Variants in GLOD4 observed in about 807,000 individuals in gnomAD.
The protein encoded by GLOD4 is glyoxalase domain-containing protein 4.
GLOD4 carries 44 observed loss-of-function variants against 39.1 expected under a neutral mutation model. That is an observed-to-expected ratio of 1.13 (90% CI 0.88 to 1.45). The LOEUF (loss-of-function observed/expected upper bound fraction) is 1.45. GLOD4 is among the 40% of genes most tolerant of loss of function. The probability of loss-of-function intolerance (pLI) is 0.00; values close to 1 mark genes in which losing one functional copy is unlikely to be tolerated. For missense variants in GLOD4, 405 were observed against 366.4 expected (o/e 1.11, Z -0.86); for synonymous variants, 145 against 135.0 (o/e 1.07, Z -0.52).
chr17:775,985 A>G, intron 3 of GLOD4, 66 bp from the exon 4 acceptor site: 1 of 1,327,250 alleles, frequency 7.5e-7, no homozygotes, highest in Non-Finnish European at 1.1e-6. Flanking sequence ...CAAGACAATG[A>G]GCCCAACCCC....
Position 782,239 on chromosome 17 carries a change from G to A in GLOD4, c.17C>T (p.Ala6Val). 1.2e-6 allele frequency: 2 copies of A among 1,613,426 alleles called. No individual in the cohort carries two copies. Among genetic ancestry groups the A allele is most frequent in the Non-Finnish European group, 1.7e-6 (2 of 1,179,732 alleles). MAARR[A>V]LHFVFKVGNR... ...TCCCACTTTGAATACGAAGTGCAGA[G>A]CTCTGCGAGCAGCCATGATTCCCGC... Residue 6 changes from alanine to valine, a missense_variant, in exon 1 of 9, where the codon GCT (alanine) becomes GTT (valine). Physicochemically the swap from Ala to Val is moderately conservative, Grantham distance 64 (BLOSUM62 0). Transcript: ENST00000301329.
chr17:781,836 G>A (rs760991255), intron 1 of GLOD4: 3 of 314,048 alleles, frequency 9.6e-6, no homozygotes, highest in Non-Finnish European at 1.8e-5. Flanking sequence ...ATATTAACTA[G>A]AAAGCATTAT....
rs189704077 is a variant in GLOD4, at chr17:778,285, G to A, written c.140+410C>T. The A allele has an allele frequency of 1.3e-3, 389 of 301,568 alleles. 1 individual carries two copies. Among genetic ancestry groups the A allele is most frequent in the African/African-American group, 7.7e-3 (361 of 46,658 alleles). The allele number at this position is 301,568 out of a possible 1,614,324, so 18.7% of individuals were successfully genotyped here. Reference sequence around the variant, plus strand: ...AATCCTGAAGATCCAGACTGTGACCGGCGCCTGACGTGGCGGAAAATCTTC... The same window carrying A: ...AATCCTGAAGATCCAGACTGTGACCAGCGCCTGACGTGGCGGAAAATCTTC... On this transcript the variant is annotated intron_variant, in intron 2 of 8. Transcript: ENST00000301329.
intron 8 of GLOD4, chr17:764,390 G>T (rs1455756616): frequency 6.6e-6 from 1 of 152,220 alleles, no homozygotes; most frequent in Non-Finnish European, 1.5e-5. Flanking sequence ...ATAAGTGTTG[G>T]TGAGAATGTA....
At chr17:775,407 T>C (rs1053787827) in intron 4 of GLOD4, among the ~76,000 whole-genome samples, 1 of 152,134 alleles carries the variant, frequency 6.6e-6, no homozygotes, top group African/African-American at 2.4e-5. Context: ...CAACAGAACG[T>C]AGAAAGAGAA....
intron 8 of GLOD4, among the ~76,000 whole-genome samples, chr17:760,637 A>G (rs1486343918): frequency 6.6e-6 from 1 of 152,202 alleles, no homozygotes; most frequent in Non-Finnish European, 1.5e-5. Context: ...ACGCTCAAGA[A>G]TCTTTAGTGT....
At chr17:782,992 C>T (rs1019285065), upstream of GLOD4, 11 of 1,499,288 alleles carry the variant, frequency 7.3e-6, no homozygotes, top group African/African-American at 1.4e-4. Flanking sequence ...CCGGCCCTCT[C>T]CGTAGCTCTT....
chr17:782,430 G>A, upstream of GLOD4: 2 of 1,614,038 alleles, frequency 1.2e-6, no homozygotes, highest in Non-Finnish European at 1.7e-6. Context: ...GTTGCTGCAG[G>A]TGGTCCAGGC....
chr17:775,514 G>T (rs1354047320), intron 4 of GLOD4, among the ~76,000 whole-genome samples: 1 of 152,202 alleles, frequency 6.6e-6, no homozygotes, highest in Non-Finnish European at 1.5e-5. Context: ...GTTCAAAGTA[G>T]TTGGGTTTTC....
In GLOD4 at chr17:778,712, G is replaced by A; in HGVS notation, c.123C>T (p.Cys41=). ...VLRHEEFEEG[C]KAACNGPYDG... is the part of the protein sequence containing the mutation. The stretch of plus-strand genomic sequence containing the variant: ...TATCATACCCATTACAGGCAGCTTT[G>A]CAGCCTTCTTCAAATTCCTCATGCC... Residue 41 remains cysteine (C), a synonymous_variant, in exon 2 of 9, where the codon TGC becomes TGT. Transcript: ENST00000301329. 1 of 1,600,654 alleles carries A rather than the reference G, an allele frequency of 6.2e-7. No homozygotes were observed. The highest frequency in any genetic ancestry group is 8.6e-7 in the Non-Finnish European group (1 of 1,167,656).
upstream of GLOD4, chr17:782,737 C>A (rs1312477447): frequency 1.3e-6 from 2 of 1,543,872 alleles, no homozygotes; most frequent in East Asian, 4.6e-5. Flanking sequence ...TTTCCCTTCC[C>A]GTCGCACAGC....
At chr17:766,053 T>C (rs774333151) in intron 8 of GLOD4, among the ~76,000 whole-genome samples, 1 of 151,602 alleles carries the variant, frequency 6.6e-6, no homozygotes, top group Non-Finnish European at 1.5e-5. Flanking sequence ...TCCCAGCACT[T>C]TGGGAGGCCA....
intron 6 of GLOD4, 97 bp from the exon 7 acceptor site, chr17:770,254 C>T (rs756870225): frequency 2.6e-6 from 2 of 769,380 alleles, no homozygotes; most frequent in Non-Finnish European, 4.6e-6. Context: ...CATAAAGAAC[C>T]AAGGCGCCAT....
chr17:772,387 C>T (rs2144390789), intron 4 of GLOD4, among the ~76,000 whole-genome samples: 1 of 151,760 alleles, frequency 6.6e-6, no homozygotes, highest in Non-Finnish European at 1.5e-5. Context: ...ATTATTTATA[C>T]AATTTTGGAG....
At chr17:782,384 G>A, upstream of GLOD4, 1 of 1,613,614 alleles carries the variant, frequency 6.2e-7, no homozygotes, top group Non-Finnish European at 8.5e-7. Context: ...GGAACATGGC[G>A]GCGCTGGTGA....
intron 4 of GLOD4, among the ~76,000 whole-genome samples, chr17:774,399 G>A (rs117243239): frequency 0.018 from 2,798 of 152,342 alleles, 45 homozygotes; most frequent in Middle Eastern, 0.071. Flanking sequence ...CGGCACAAGT[G>A]CCCTTGCCAT....
chr17:768,723 GA>G, intron 8 of GLOD4, among the ~76,000 whole-genome samples: 4 of 338 alleles, frequency 0.012, no homozygotes, highest in Non-Finnish European at 0.017. Flanking sequence ...GAGAGGACGT[GA>G]GAGAGAGAAA....
chr17:778,513 C>G, intron 2 of GLOD4, 182 bp downstream of exon 2: 1 of 596,194 alleles, frequency 1.7e-6, no homozygotes, highest in Non-Finnish European at 3.0e-6. Context: ...ATTAATTCCA[C>G]TGCTTTATAC....
chr17:760,545 C>T (rs140906291), intron 8 of GLOD4, among the ~76,000 whole-genome samples: 316 of 152,260 alleles, frequency 2.1e-3, no homozygotes, highest in Non-Finnish European at 3.4e-3. Context: ...GGCTGGCGGA[C>T]CAACGAGGTC....
Sources: gnomAD v4.1 joint callset for allele counts (sites outside exome capture counted in the v4.1 genomes callset) on GRCh38, gnomAD v4.1.1 for gene constraint, MANE v1.5 for transcripts, NCBI Gene and HGNC (gene_info 2026-07-23, HGNC 2026-07-21) for gene names.